The following BCAS3 variants were observed in gnomAD, a reference collection of about 807,000 sequenced individuals.
BCAS3 encodes the protein BCAS4/BCAS3 fusion.
BCAS3 carries 53 observed loss-of-function variants against 116.1 expected under a neutral mutation model. The observed-to-expected ratio is 0.46, with a 90% CI of 0.37 to 0.57. The LOEUF (loss-of-function observed/expected upper bound fraction) is 0.57, where lower values mean the gene tolerates loss of function less well. BCAS3 is among the 20% of genes least tolerant of loss of function. The pLI is 0.00. For synonymous variants in BCAS3, 391 were observed against 408.2 expected, an observed-to-expected ratio of 0.96 and a Z score of 0.51; for missense variants, 917 against 1,165.4, an observed-to-expected ratio of 0.79 and a Z score of 3.10.
At chr17:60,740,599 G>A (rs964444131) in intron 5 of BCAS3, among the ~76,000 whole-genome samples, 6 of 152,130 alleles carry the variant, frequency 3.9e-5, no homozygotes, top group Non-Finnish European at 7.4e-5. Context: ...GTGGCGGTGT[G>A]TGGGGAGGGA....
Position 61,171,974 on chromosome 17 carries a change from C to T in BCAS3, c.2425+87410C>T, listed in dbSNP as rs1490473556. 6.6e-6 allele frequency among the ~76,000 whole-genome samples: 1 copy of T among 151,896 alleles called. No homozygotes were observed. ...AAGCAGGAATGGCTATATTAATAGA[C>T]AAAGTAGACTTCAGAACAAAGAATA... is the stretch of plus-strand genomic sequence containing the variant. On this transcript the variant is annotated intron_variant, in intron 22 of 23. Transcript: ENST00000407086. This position sits in a 1 kb window ranked among gnomAD's most constrained non-coding sequence, Gnocchi z 4.1.
At chr17:60,703,538 G>T (rs2036697399) in intron 4 of BCAS3, among the ~76,000 whole-genome samples, 1 of 151,310 alleles carries the variant, frequency 6.6e-6, no homozygotes, top group African/African-American at 2.4e-5. Context: ...TTCAGCCTGG[G>T]CAATGGGAGT....
rs1000116944 is a variant in BCAS3, at chr17:61,126,008, A to C, written c.2425+41444A>C. The stretch of plus-strand genomic sequence containing the variant: ...ACGATTTCTTCTAGCTATGGAGTTG[A>C]GATTCTACTTGAATTGTGTTATTGG... On this transcript the variant is annotated intron_variant, in intron 22 of 23. Transcript: ENST00000407086. The surrounding 1 kb of genome is among the most constrained non-coding windows in gnomAD (Gnocchi z 4.6). Among the ~76,000 whole-genome samples, 29 of 152,176 alleles carry C rather than the reference A, an allele frequency of 1.9e-4. No individual in the cohort carries two copies. The highest frequency in any genetic ancestry group is 6.5e-4 in the African/African-American group (27 of 41,462).
At chr17:60,783,041 T>C (rs2045967219) in intron 6 of BCAS3, among the ~76,000 whole-genome samples, 1 of 152,168 alleles carries the variant, frequency 6.6e-6, no homozygotes. Flanking sequence ...CACAGGATTT[T>C]TCGGGCAGTG....
intron 6 of BCAS3, among the ~76,000 whole-genome samples, chr17:60,796,480 G>A (rs762432347): frequency 2.0e-5 from 3 of 152,058 alleles, no homozygotes; most frequent in African/African-American, 4.8e-5. Flanking sequence ...GAATTTATCC[G>A]TCTCTTCTAG....
intron 22 of BCAS3, chr17:61,245,298 C>G (rs1038517579): frequency 1.3e-5 from 2 of 152,064 alleles, no homozygotes; most frequent in African/African-American, 4.8e-5. Flanking sequence ...CCTGGTCCCT[C>G]CCAGGACACA....
chr17:61,192,960 G>A (rs1226671094), intron 22 of BCAS3, among the ~76,000 whole-genome samples: 1 of 152,160 alleles, frequency 6.6e-6, no homozygotes, highest in Non-Finnish European at 1.5e-5. Flanking sequence ...AAAAACTATG[G>A]TATAAAAATT....
intron 23 of BCAS3, among the ~76,000 whole-genome samples, chr17:61,385,941 C>T (rs2059824584): frequency 1.3e-5 from 2 of 152,204 alleles, no homozygotes; most frequent in South Asian, 4.1e-4. Flanking sequence ...CCGGTGGAAG[C>T]CAAGCTGGTG....
chr17:61,388,831 G>GTGTGTGT lies in BCAS3; in HGVS notation c.2594-3146_2594-3145insTGTGTGT. 1.0e-6 allele frequency: 1 copy of GTGTGTGT among 991,346 alleles called. No homozygotes were observed. The highest frequency in any genetic ancestry group is 1.5e-6 in the Non-Finnish European group (1 of 681,230). 61.4% of individuals were successfully genotyped at this position (991,346 alleles called of 1,614,324 possible). A position where few individuals can be genotyped will look rare whatever the true frequency, so the allele number is the denominator to read the frequency against. On this transcript the variant is annotated intron_variant, in intron 23 of 23. Coordinates refer to ENST00000407086, the MANE Select transcript of BCAS3 (RefSeq NM_017679.5). This position sits in a 1 kb window ranked among gnomAD's most constrained non-coding sequence, Gnocchi z 6.5. ...CCCACACACACCCCTGCCTGCAGGGGGAGGAGCAGAAGGGGTCTGAGAGGA... is the reference window on the plus strand; with the variant it reads ...CCCACACACACCCCTGCCTGCAGGGGTGTGTGTGAGGAGCAGAAGGGGTCTGAGAGGA...
chr17:61,357,270 T>A (rs199903850), intron 22 of BCAS3, among the ~76,000 whole-genome samples: 4,116 of 146,820 alleles, frequency 0.028, 136 homozygotes, highest in African/African-American at 0.076. Context: ...ATAAATAAAT[T>A]AATTAATTAA....
chr17:61,042,035 C>T (rs907403383), intron 19 of BCAS3, among the ~76,000 whole-genome samples: 1 of 151,980 alleles, frequency 6.6e-6, no homozygotes, highest in Non-Finnish European at 1.5e-5. Flanking sequence ...AGAGCAGTGA[C>T]GTGTGTTGCC....
intron 6 of BCAS3, among the ~76,000 whole-genome samples, chr17:60,759,945 G>T (rs1321201627): frequency 6.6e-6 from 1 of 152,188 alleles, no homozygotes; most frequent in East Asian, 1.9e-4. Flanking sequence ...GGGATTACAG[G>T]TGTGGCCACC....
intron 7 of BCAS3, among the ~76,000 whole-genome samples, chr17:60,816,279 C>CTTTTTTTTTTTTTTT (rs537982584): frequency 7.1e-6 from 1 of 140,108 alleles, no homozygotes. Context: ...TTTTTCTTTT[C>CTTTTTTTTTTTTTTT]TTTTTTTTTT....
chr17:61,362,469 G>T lies in BCAS3; in HGVS notation c.2426-5858G>T, dbSNP rs1037502903. ...TGTGCCACAGTCTCTTAAATAGCTA[G>T]AGTGTGATTAGACACTATCAGCTTA... On this transcript the variant is annotated intron_variant, in intron 22 of 23. Coordinates refer to ENST00000407086, the MANE Select transcript of BCAS3 (RefSeq NM_017679.5). The surrounding 1 kb of genome is among the most constrained non-coding windows in gnomAD (Gnocchi z 4.4). 1.3e-5 allele frequency among the ~76,000 whole-genome samples: 2 copies of T among 152,220 alleles called. No individual in the cohort carries two copies. Among genetic ancestry groups the T allele is most frequent in the Admixed American group, 1.3e-4 (2 of 15,282 alleles).
chr17:61,039,077 A>T (rs541848189), intron 18 of BCAS3, among the ~76,000 whole-genome samples: 50 of 152,360 alleles, frequency 3.3e-4, no homozygotes, highest in South Asian at 6.2e-4. Context: ...AAGAAACCTC[A>T]TACTCATTAG....
At chr17:60,721,230 A>G (rs901792132) in intron 5 of BCAS3, among the ~76,000 whole-genome samples, 1 of 152,094 alleles carries the variant, frequency 6.6e-6, no homozygotes, top group Non-Finnish European at 1.5e-5. Flanking sequence ...TTGAATATGG[A>G]TGAAGTCCAG....
intron 13 of BCAS3, among the ~76,000 whole-genome samples, chr17:60,942,447 A>G (rs2060274321): frequency 6.6e-6 from 1 of 152,112 alleles, no homozygotes; most frequent in Non-Finnish European, 1.5e-5. Flanking sequence ...ACAAAACAAA[A>G]CAAAACAAAA....
rs921926249 is a variant in BCAS3, at chr17:60,967,505, C to T, written c.1221+20153C>T. On this transcript the variant is annotated intron_variant, in intron 14 of 23. Transcript: ENST00000407086. This position sits in a 1 kb window ranked among gnomAD's most constrained non-coding sequence, Gnocchi z 4.7. ...GACCTTTGAGAGTTTCATTATTATA[C>T]GTGTTAGAGTACTTTTATTTGGGTT... Among the ~76,000 whole-genome samples the T allele has an allele frequency of 2.6e-5, 4 of 152,104 alleles. No individual in the cohort carries two copies. The highest frequency in any genetic ancestry group is 5.9e-5 in the Non-Finnish European group (4 of 68,020).
rs2079430044 is a variant in BCAS3, at chr17:61,180,701, A to G, written c.2425+96137A>G. On this transcript the variant is annotated intron_variant, in intron 22 of 23. Coordinates refer to ENST00000407086, the MANE Select transcript of BCAS3 (RefSeq NM_017679.5). This position sits in a 1 kb window ranked among gnomAD's most constrained non-coding sequence, Gnocchi z 6.0. The stretch of plus-strand genomic sequence containing the variant: ...GCTTCGTGTCTGCACAGTGGAACAT[A>G]AAGCAGCAGCTTAGATGGCATATGG... Among the ~76,000 whole-genome samples the G allele has an allele frequency of 6.6e-6, 1 of 152,250 alleles. No homozygotes were observed. The highest frequency in any genetic ancestry group is 6.5e-5 in the Admixed American group (1 of 15,288).
Sources: gnomAD v4.1 joint callset for allele counts (sites outside exome capture counted in the v4.1 genomes callset) on GRCh38, gnomAD v4.1.1 for gene constraint, Gnocchi (gnomAD v3.1) non-coding constraint, MANE v1.5 for transcripts, NCBI Gene and HGNC (gene_info 2026-07-23, HGNC 2026-07-21) for gene names.